CBLB: variants seen among roughly 807,000 people sequenced by gnomAD.
CBLB encodes E3 ubiquitin-protein ligase CBL-B.
In CBLB, 31 loss-of-function variants were observed where a neutral mutation model predicts 104.9. The observed-to-expected ratio is 0.30, with a 90% CI of 0.22 to 0.40. The LOEUF (loss-of-function observed/expected upper bound fraction) is 0.40. CBLB is among the 10% of genes least tolerant of loss of function. The pLI, the probability that CBLB is intolerant of heterozygous loss-of-function variation, is 1.00. For missense variants in CBLB, 1,062 were observed against 1,214.6 expected, an observed-to-expected ratio of 0.87 and a Z score of 1.87; for synonymous variants, 440 against 422.6, an observed-to-expected ratio of 1.04 and a Z score of -0.51.
chr3:105,666,931 TAA>T (rs2064531829), intron 18 of CBLB, among the ~76,000 whole-genome samples: 1 of 152,134 alleles, frequency 6.6e-6, no homozygotes, highest in South Asian at 2.1e-4. Context: ...CACAAAATCT[TAA>T]AGACACATAA....
intron 3 of CBLB, among the ~76,000 whole-genome samples, chr3:105,842,174 G>A (rs1314475556): frequency 6.6e-6 from 1 of 152,136 alleles, no homozygotes; most frequent in Non-Finnish European, 1.5e-5. Flanking sequence ...GGTGTCTCCT[G>A]CCCTTTATAC....
At chr3:105,707,192 C>T (rs1213909876) in intron 10 of CBLB, among the ~76,000 whole-genome samples, 1 of 152,178 alleles carries the variant, frequency 6.6e-6, no homozygotes, top group African/African-American at 2.4e-5. Context: ...TTAGATACTT[C>T]CAGACGAGCA....
intron 8 of CBLB, among the ~76,000 whole-genome samples, chr3:105,736,021 C>G (rs969395758): frequency 6.6e-6 from 1 of 152,096 alleles, no homozygotes; most frequent in Non-Finnish European, 1.5e-5. Flanking sequence ...ATGTGTATGT[C>G]TCACATAATA....
intron 4 of CBLB, among the ~76,000 whole-genome samples, chr3:105,760,633 C>A (rs996354353): frequency 2.7e-5 from 4 of 150,928 alleles, no homozygotes; most frequent in Non-Finnish European, 5.9e-5. Flanking sequence ...AAAAAAAAGT[C>A]AATAATAAAA....
At chr3:105,706,283 T>A (rs1242377739) in intron 10 of CBLB, among the ~76,000 whole-genome samples, 3 of 152,244 alleles carry the variant, frequency 2.0e-5, no homozygotes, top group African/African-American at 7.2e-5. Context: ...TCAACAAAAT[T>A]CAACATAATT....
chr3:105,854,293 G>T (rs2091318443), intron 2 of CBLB, among the ~76,000 whole-genome samples: 1 of 152,196 alleles, frequency 6.6e-6, no homozygotes, highest in Non-Finnish European at 1.5e-5. Context: ...AACCACTGGG[G>T]CGTTCAGGGG....
intron 5 of CBLB, among the ~76,000 whole-genome samples, chr3:105,746,556 T>C (rs144842681): frequency 4.6e-5 from 7 of 152,326 alleles, no homozygotes; most frequent in Non-Finnish European, 8.8e-5. Context: ...GACTTTGTAT[T>C]TGCCGATGCC....
At chr3:105,769,587 T>C (rs1019859078) in intron 4 of CBLB, among the ~76,000 whole-genome samples, 1 of 152,154 alleles carries the variant, frequency 6.6e-6, no homozygotes, top group African/African-American at 2.4e-5. Context: ...CATGGGTGAC[T>C]GCCTATCCAA....
Position 105,737,194 on chromosome 3 carries a change from G to A in CBLB, c.1048C>T (p.His350Tyr), listed in dbSNP as rs1232274885. ...DLTGLCEPTP[H>Y]DHIKVTQEQY... is the part of the protein sequence containing the mutation. ...ACCTGTGTAACTTTTATATGGTCAT[G>A]AGGTGTAGGTTCACATAATCCAGTT... The change falls in exon 8 of 19, where the codon CAT becomes TAT. Residue 350 changes from histidine to tyrosine, a missense_variant. By Grantham distance (83) the His-to-Tyr change is moderately conservative. This residue lies in a region of CBLB where 457 missense variants were observed against 632.0 expected (regional missense o/e 0.72). Transcript: ENST00000394030. 1.3e-6 allele frequency: 2 copies of A among 1,581,612 alleles called. No homozygotes were observed.
chr3:105,814,916 A>C (rs1577439696), intron 3 of CBLB, among the ~76,000 whole-genome samples: 4 of 88,520 alleles, frequency 4.5e-5, no homozygotes, highest in African/African-American at 1.8e-4. Flanking sequence ...CCCACCCCCC[A>C]CCCTCTAATG....
At chr3:105,671,091 G>A (rs2065016511) in intron 17 of CBLB, 1 of 186,572 alleles carries the variant, frequency 5.4e-6, no homozygotes, top group Admixed American at 6.2e-5. Context: ...GAACTAAAGG[G>A]AGAAAAAGAG....
intron 3 of CBLB, among the ~76,000 whole-genome samples, chr3:105,787,060 CAAAATGA>C (rs2081117474): frequency 6.6e-6 from 1 of 151,918 alleles, no homozygotes; most frequent in African/African-American, 2.4e-5. Flanking sequence ...TTTTTTCTTT[CAAAATGA>C]AAAATAAAAA....
chr3:105,692,605 A>G (rs2244737), intron 13 of CBLB, among the ~76,000 whole-genome samples: 39,228 of 151,844 alleles, frequency 0.26, 5,221 homozygotes, highest in Admixed American at 0.27. Flanking sequence ...AGGAATCACT[A>G]AAAAATATTT....
chr3:105,690,821 C>CAAAAAAAAAAAAAAAAAAAAA, intron 13 of CBLB, among the ~76,000 whole-genome samples: 1 of 65,780 alleles, frequency 1.5e-5, no homozygotes, highest in South Asian at 5.1e-4. Flanking sequence ...GACTCCATCT[C>CAAAAAAAAAAAAAAAAAAAAA]AAAAAAAAAA....
chr3:105,723,457 A>T (rs2073165246), intron 9 of CBLB, among the ~76,000 whole-genome samples: 1 of 152,158 alleles, frequency 6.6e-6, no homozygotes, highest in South Asian at 2.1e-4. Flanking sequence ...GTTATCAGTG[A>T]ATACTATACA....
At chr3:105,763,245 G>A (rs1463518406) in intron 4 of CBLB, among the ~76,000 whole-genome samples, 1 of 152,156 alleles carries the variant, frequency 6.6e-6, no homozygotes, top group African/African-American at 2.4e-5. Context: ...TCTGGACTGT[G>A]GACTTTTGAG....
At chr3:105,842,186 G>C (rs1393765396) in intron 3 of CBLB, among the ~76,000 whole-genome samples, 1 of 152,102 alleles carries the variant, frequency 6.6e-6, no homozygotes, top group African/African-American at 2.4e-5. Flanking sequence ...CCTTTATACT[G>C]TCCTATAGAA....
chr3:105,813,023 A>C (rs1404949215), intron 3 of CBLB, among the ~76,000 whole-genome samples: 1 of 152,166 alleles, frequency 6.6e-6, no homozygotes, highest in Non-Finnish European at 1.5e-5. Flanking sequence ...AGGATAAAGT[A>C]AACAAGCAGT....
intron 3 of CBLB, among the ~76,000 whole-genome samples, chr3:105,790,684 C>G (rs1195486132): frequency 2.0e-5 from 3 of 152,154 alleles, no homozygotes; most frequent in Non-Finnish European, 4.4e-5. Flanking sequence ...TTCCAAAACA[C>G]AGGAACTAAA....
Sources: gnomAD v4.1 joint callset for allele counts (sites outside exome capture counted in the v4.1 genomes callset) on GRCh38, gnomAD v4.1.1 for gene constraint, gnomAD v4.1.1 regional missense constraint, MANE v1.5 for transcripts, NCBI Gene and HGNC (gene_info 2026-07-23, HGNC 2026-07-21) for gene names.